PPCDC: variants seen among roughly 807,000 people sequenced by gnomAD.
The protein encoded by PPCDC is phosphopantothenoylcysteine decarboxylase.
Under a neutral mutation model 20.7 loss-of-function variants are expected in PPCDC, and 20 were observed. The observed-to-expected ratio is 0.97, with a 90% CI of 0.68 to 1.41. The LOEUF (loss-of-function observed/expected upper bound fraction) is 1.41, where lower values mean the gene tolerates loss of function less well. Ranked by LOEUF, PPCDC falls within the 40% of genes most tolerant of loss-of-function variation. The pLI, the probability that PPCDC is intolerant of heterozygous loss-of-function variation, is 0.00. For synonymous variants in PPCDC, 88 were observed against 100.3 expected, an observed-to-expected ratio of 0.88 and a Z score of 0.73; for missense variants, 246 against 263.8, an observed-to-expected ratio of 0.93 and a Z score of 0.47.
Position 75,049,325 on chromosome 15 carries a change from C to A in PPCDC, c.*90C>A. ...TGGATGTTGGCAAAATAGGAGGATA[C>A]CCTCATTTGCTGAATGGGGGACCTG... On this transcript the variant is annotated 3_prime_UTR_variant, in exon 6 of 6. Coordinates refer to ENST00000342932, the MANE Select transcript of PPCDC (RefSeq NM_021823.5). 4 of 1,260,658 alleles carry A rather than the reference C, an allele frequency of 3.2e-6. No homozygotes were observed. Among genetic ancestry groups the A allele is most frequent in the Non-Finnish European group, 4.5e-6 (4 of 881,408 alleles). 78.1% of individuals were successfully genotyped at this position (1,260,658 alleles called of 1,614,324 possible). A position where few individuals can be genotyped will look rare whatever the true frequency, so the allele number is the denominator to read the frequency against.
chr15:75,048,109 T>C (rs1002966427), intron 4 of PPCDC, among the ~76,000 whole-genome samples: 2 of 152,192 alleles, frequency 1.3e-5, no homozygotes, highest in African/African-American at 4.8e-5. Flanking sequence ...TGAGAAGGTT[T>C]TGGTAACGGC....
At chr15:75,028,998 G>T (rs1215668025) in intron 2 of PPCDC, among the ~76,000 whole-genome samples, 1 of 152,178 alleles carries the variant, frequency 6.6e-6, no homozygotes, top group African/African-American at 2.4e-5. Flanking sequence ...GTGCTGGGGT[G>T]AGGGACTCTA....
intron 4 of PPCDC, among the ~76,000 whole-genome samples, chr15:75,047,234 G>A (rs78664321): frequency 0.084 from 12,833 of 152,226 alleles, 1,192 homozygotes; most frequent in South Asian, 0.42. Flanking sequence ...CTTGATTTCT[G>A]CAGAAGCAGC....
intron 2 of PPCDC, among the ~76,000 whole-genome samples, chr15:75,029,885 T>C (rs2066001435): frequency 6.6e-6 from 1 of 152,094 alleles, no homozygotes; most frequent in Non-Finnish European, 1.5e-5. Context: ...GGGAGTCCTA[T>C]CCCAGGAAAC....
Position 75,044,443 on chromosome 15 carries a change from C to T in PPCDC, c.289C>T (p.Leu97Phe). 1 of 1,614,206 alleles carries T rather than the reference C, an allele frequency of 6.2e-7. No individual in the cohort carries two copies. The highest frequency in any genetic ancestry group is 8.5e-7 in the Non-Finnish European group (1 of 1,180,010). The change falls in exon 4 of 6, where the codon CTC becomes TTC. Residue 97 changes from leucine (L) to phenylalanine (F), a missense_variant. Around this residue, in one of 2 missense-constraint regions of PPCDC, gnomAD observed 225 missense variants for 222.6 expected, o/e 1.01. Coordinates refer to ENST00000342932, the MANE Select transcript of PPCDC (RefSeq NM_021823.5). The part of the protein sequence containing the change: ...LHIDLRRWAD[L>F]LLVAPLDANT... ...CATTGACCTGCGGAGGTGGGCAGAC[C>T]TCCTGCTGGTGGCTCCTCTTGATGC...
rs977685081 is a variant in PPCDC, at chr15:75,050,115, A to G, written c.*880A>G. On this transcript the variant is annotated 3_prime_UTR_variant, in exon 6 of 6. Coordinates refer to ENST00000342932, the MANE Select transcript of PPCDC (RefSeq NM_021823.5). ...CAATGGAAGTTAAAACTAGGCATGCATATATGCCAGAGAGCTTTCCTAGCA... is the reference window on the plus strand; with the variant it reads ...CAATGGAAGTTAAAACTAGGCATGCGTATATGCCAGAGAGCTTTCCTAGCA... The G allele has an allele frequency of 1.3e-5, 2 of 152,270 alleles. No individual in the cohort carries two copies. The highest frequency in any genetic ancestry group is 4.8e-5 in the African/African-American group (2 of 41,468). The allele number at this position is 152,270 out of a possible 1,614,324, so 9.4% of individuals were successfully genotyped here.
intron 4 of PPCDC, among the ~76,000 whole-genome samples, chr15:75,046,777 G>T (rs929649127): frequency 6.6e-6 from 1 of 152,280 alleles, no homozygotes; most frequent in African/African-American, 2.4e-5. Context: ...ATGGGGTGCT[G>T]TGAGGGCAGC....
intron 3 of PPCDC, 107 bp from the exon 4 acceptor site, chr15:75,044,279 C>T: frequency 6.7e-7 from 1 of 1,498,316 alleles, no homozygotes; most frequent in Non-Finnish European, 9.1e-7. Context: ...TTGGCCTGGG[C>T]AGGGCAGGTC....
At chr15:75,028,197 A>G (rs2065979441) in intron 1 of PPCDC, 50 bp from the exon 2 acceptor site, 1 of 1,347,496 alleles carries the variant, frequency 7.4e-7, no homozygotes, top group Non-Finnish European at 1.0e-6. Flanking sequence ...TGCTCCATAC[A>G]TTCTGGTCGA....
chr15:75,026,911 A>G (rs1352621231), intron 1 of PPCDC, among the ~76,000 whole-genome samples: 1 of 152,156 alleles, frequency 6.6e-6, no homozygotes, highest in Non-Finnish European at 1.5e-5. Flanking sequence ...GGGTCACTCC[A>G]GGTCAGGAGC....
At chr15:75,033,484 T>A (rs1332369904) in intron 2 of PPCDC, among the ~76,000 whole-genome samples, 1 of 152,154 alleles carries the variant, frequency 6.6e-6, no homozygotes, top group East Asian at 1.9e-4. Context: ...CAGTTTTAAT[T>A]TGTAACCTAT....
chr15:75,036,009 G>A (rs1035588968), intron 2 of PPCDC, among the ~76,000 whole-genome samples: 7 of 151,068 alleles, frequency 4.6e-5, no homozygotes, highest in Non-Finnish European at 8.8e-5. Flanking sequence ...TCTAAGTGGT[G>A]TCAGCAGGGG....
chr15:75,044,380 T>C lies in PPCDC; in HGVS notation c.232-6T>C, dbSNP rs766721257. The C allele has an allele frequency of 5.0e-6, 8 of 1,613,332 alleles. No individual in the cohort carries two copies. The Admixed American group carries it at 8.3e-5, about 17-fold the overall frequency. ...CACACTGACCCCTTTTTCTTCCCTC[T>C]GCCAGATATGGAAGAGCCGCTCTGA... On this transcript the variant is annotated splice_polypyrimidine_tract_variant and splice_region_variant and intron_variant, in intron 3 of 5. Coordinates refer to ENST00000342932, the MANE Select transcript of PPCDC (RefSeq NM_021823.5).
At chr15:75,032,173 T>C (rs2066029206) in intron 2 of PPCDC, among the ~76,000 whole-genome samples, 1 of 152,096 alleles carries the variant, frequency 6.6e-6, no homozygotes. Context: ...CCCTTCAAAC[T>C]TGGGAGGAGA....
intron 4 of PPCDC, 49 bp from the exon 5 acceptor site, chr15:75,048,504 G>A: frequency 6.3e-7 from 1 of 1,586,988 alleles, no homozygotes; most frequent in Non-Finnish European, 8.6e-7. Context: ...CGGTGGGGAG[G>A]GTGGCAGACA....
intron 2 of PPCDC, among the ~76,000 whole-genome samples, chr15:75,036,946 C>T (rs1473157105): frequency 2.0e-5 from 3 of 152,108 alleles, no homozygotes; most frequent in African/African-American, 7.2e-5. Flanking sequence ...GCTGGGATGA[C>T]AGGCATGAGC....
intron 1 of PPCDC, among the ~76,000 whole-genome samples, chr15:75,026,105 C>G (rs573700813): frequency 1.3e-5 from 2 of 152,238 alleles, no homozygotes; most frequent in South Asian, 2.1e-4. Context: ...CTTTCTGTAA[C>G]CTGTTTCCTA....
At position 75,044,372 on chromosome 15, in the gene PPCDC, CT is replaced by C; in HGVS notation, c.232-12del. On this transcript the variant is annotated splice_polypyrimidine_tract_variant and intron_variant, in intron 3 of 5. Coordinates refer to ENST00000342932, the MANE Select transcript of PPCDC (RefSeq NM_021823.5). The stretch of plus-strand genomic sequence containing the variant: ...GCTTCCTCCACACTGACCCCTTTTT[CT>C]TCCCTCTGCCAGATATGGAAGAGCC... 1 of 1,612,792 alleles carries C rather than the reference CT, an allele frequency of 6.2e-7. No homozygotes were observed. Among genetic ancestry groups the C allele is most frequent in the South Asian group, 1.1e-5 (1 of 91,058 alleles).
At chr15:75,037,189 G>A (rs547896135) in intron 2 of PPCDC, among the ~76,000 whole-genome samples, 264 of 152,316 alleles carry the variant, frequency 1.7e-3, no homozygotes, top group African/African-American at 6.2e-3. Context: ...GTGGTCCCAT[G>A]AGCAGAAGCA....
Sources: gnomAD v4.1 joint callset for allele counts (sites outside exome capture counted in the v4.1 genomes callset) on GRCh38, gnomAD v4.1.1 for gene constraint, gnomAD v4.1.1 regional missense constraint, MANE v1.5 for transcripts, NCBI Gene and HGNC (gene_info 2026-07-23, HGNC 2026-07-21) for gene names.